SLC35F4: variants seen among roughly 807,000 people sequenced by gnomAD.
SLC35F4 encodes the protein solute carrier family 35 member F4, also known as chromosome 14 open reading frame 36.
Under a neutral mutation model 44.2 loss-of-function variants are expected in SLC35F4, and 24 were observed. The observed-to-expected ratio is 0.54, with a 90% CI of 0.39 to 0.76. The LOEUF (loss-of-function observed/expected upper bound fraction) is 0.76, where lower values mean the gene tolerates loss of function less well. Ranked by LOEUF, SLC35F4 falls within the 30% of genes least tolerant of loss-of-function variation. The pLI is 0.00. For missense variants in SLC35F4, 562 were observed against 586.1 expected (o/e 0.96, Z 0.42); for synonymous variants, 238 against 223.6 (o/e 1.06, Z -0.57).
rs60692671 is a variant in SLC35F4 at position 57,648,105 on chromosome 14, C to T, written c.104-53981G>A. Among the ~76,000 whole-genome samples the T allele has an allele frequency of 3.9e-5, 6 of 151,966 alleles. No individual in the cohort carries two copies. The South Asian group carries it at 6.2e-4, about 16-fold the overall frequency. ...TTTACTGTGACAGTAACTTCTAGCA[C>T]GATTTCTTTAAATGCTAGCATCAGA... On this transcript the variant is annotated intron_variant, in intron 1 of 7. Coordinates refer to ENST00000556826, the MANE Select transcript of SLC35F4 (RefSeq NM_001306087.2).
At chr14:57,857,085 G>A (rs1409582081) in intron 1 of SLC35F4, among the ~76,000 whole-genome samples, 4 of 151,908 alleles carry the variant, frequency 2.6e-5, no homozygotes, top group South Asian at 2.1e-4. Flanking sequence ...AGACCAGCCC[G>A]GCCAACATGG....
chr14:57,801,959 T>G (rs1252343519), intron 1 of SLC35F4, among the ~76,000 whole-genome samples: 2 of 152,246 alleles, frequency 1.3e-5, no homozygotes, highest in Admixed American at 6.5e-5. Context: ...GGACCTAAAC[T>G]CAGCTGTGGA....
At chr14:57,715,980 A>T (rs948070875) in intron 1 of SLC35F4, among the ~76,000 whole-genome samples, 2 of 152,172 alleles carry the variant, frequency 1.3e-5, no homozygotes, top group Non-Finnish European at 2.9e-5. Flanking sequence ...GACGTAATAT[A>T]AAAATGTACT....
intron 1 of SLC35F4, among the ~76,000 whole-genome samples, chr14:57,756,774 C>T (rs1594973828): frequency 6.6e-6 from 1 of 152,040 alleles, no homozygotes; most frequent in Non-Finnish European, 1.5e-5. Context: ...CCCATCTTGG[C>T]CTCCCAAGTA....
At chr14:57,966,599 A>G (rs539035311) in intron 1 of SLC35F4, among the ~76,000 whole-genome samples, 218 of 152,368 alleles carry the variant, frequency 1.4e-3, no homozygotes, top group Non-Finnish European at 2.3e-3. Context: ...CGTGGGGAAT[A>G]GAGAAAGCAC....
At chr14:57,689,842 A>C (rs1566765982) in intron 1 of SLC35F4, among the ~76,000 whole-genome samples, 1 of 152,124 alleles carries the variant, frequency 6.6e-6, no homozygotes, top group Non-Finnish European at 1.5e-5. Flanking sequence ...CATATGTAAC[A>C]AACCTGCACG....
chr14:57,693,922 T>C (rs898927645), intron 1 of SLC35F4, among the ~76,000 whole-genome samples: 3 of 152,194 alleles, frequency 2.0e-5, no homozygotes, highest in Non-Finnish European at 4.4e-5. Context: ...ATTCTAAATC[T>C]GGTATATTTA....
chr14:57,939,367 A>G (rs775966967), intron 1 of SLC35F4, among the ~76,000 whole-genome samples: 2 of 152,194 alleles, frequency 1.3e-5, no homozygotes, highest in Admixed American at 1.3e-4. Flanking sequence ...ACCAAGGAGC[A>G]TGACCACAGC....
chr14:57,591,428 C>T (rs1566656683), intron 2 of SLC35F4, among the ~76,000 whole-genome samples: 1 of 152,166 alleles, frequency 6.6e-6, no homozygotes. Flanking sequence ...AAATTTCCTC[C>T]ATGACCATGT....
chr14:57,940,109 C>T (rs1203003791), intron 1 of SLC35F4, among the ~76,000 whole-genome samples: 1 of 152,156 alleles, frequency 6.6e-6, no homozygotes, highest in Non-Finnish European at 1.5e-5. Context: ...CAGCAAGGCT[C>T]TCATTTTCTG....
chr14:57,779,582 A>G (rs1392365527), intron 1 of SLC35F4, among the ~76,000 whole-genome samples: 4 of 152,218 alleles, frequency 2.6e-5, no homozygotes, highest in Non-Finnish European at 4.4e-5. Flanking sequence ...ATCTCATTCT[A>G]TGAGGCCAGA....
chr14:57,704,483 G>A (rs911692288), intron 1 of SLC35F4, among the ~76,000 whole-genome samples: 3 of 152,110 alleles, frequency 2.0e-5, no homozygotes, highest in African/African-American at 7.2e-5. Flanking sequence ...GGCATAAAAT[G>A]TTAGGAGCTG....
chr14:57,900,031 T>G (rs2141044522), intron 1 of SLC35F4, among the ~76,000 whole-genome samples: 1 of 152,232 alleles, frequency 6.6e-6, no homozygotes, highest in East Asian at 1.9e-4. Context: ...AGAGTGCCCT[T>G]TTTCCCAAGC....
intron 1 of SLC35F4, among the ~76,000 whole-genome samples, chr14:57,918,014 G>A (rs1889364167): frequency 1.3e-5 from 2 of 152,156 alleles, no homozygotes; most frequent in South Asian, 4.1e-4. Flanking sequence ...GATGTGGTTG[G>A]ATGTTTTTCT....
At chr14:57,600,561 G>A (rs1409568733) in intron 1 of SLC35F4, among the ~76,000 whole-genome samples, 3 of 146,406 alleles carry the variant, frequency 2.0e-5, no homozygotes, top group African/African-American at 7.5e-5. Flanking sequence ...GCGTAGTGGC[G>A]GGCGCCTGTA....
At chr14:57,731,796 TC>T (rs2076350765) in intron 1 of SLC35F4, among the ~76,000 whole-genome samples, 1 of 152,234 alleles carries the variant, frequency 6.6e-6, no homozygotes, top group Admixed American at 6.5e-5. Context: ...TATAACTTAT[TC>T]TGAAACTAGA....
At chr14:57,684,394 A>C (rs768183154) in intron 1 of SLC35F4, among the ~76,000 whole-genome samples, 3 of 152,052 alleles carry the variant, frequency 2.0e-5, no homozygotes, top group Non-Finnish European at 4.4e-5. Flanking sequence ...TCAGGATAAA[A>C]CTTCCACCTC....
intron 1 of SLC35F4, among the ~76,000 whole-genome samples, chr14:57,855,480 C>T (rs1379388723): frequency 6.6e-6 from 1 of 152,134 alleles, no homozygotes; most frequent in African/African-American, 2.4e-5. Flanking sequence ...AAATCAAAAC[C>T]ACAATGAGAT....
rs539391355 is a variant in SLC35F4 at position 57,698,306 on chromosome 14, G to A, written c.104-104182C>T. The stretch of plus-strand genomic sequence containing the variant: ...CTCACTGTGATAAAGATCCTTGTTA[G>A]GGCACACTTACGATTATATTCTCCC... On this transcript the variant is annotated intron_variant, in intron 1 of 7. Transcript: ENST00000556826. 3.3e-5 allele frequency among the ~76,000 whole-genome samples: 5 copies of A among 152,222 alleles called. No individual in the cohort carries two copies. The South Asian group carries it at 1.0e-3, about 32-fold the overall frequency.
Sources: gnomAD v4.1 joint callset for allele counts (sites outside exome capture counted in the v4.1 genomes callset) on GRCh38, gnomAD v4.1.1 for gene constraint, MANE v1.5 for transcripts, NCBI Gene and HGNC (gene_info 2026-07-23, HGNC 2026-07-21) for gene names.